Variants in ATP2B4 observed in about 807,000 individuals in gnomAD.
ATP2B4 encodes plasma membrane calcium-transporting ATPase 4.
In ATP2B4, 39 loss-of-function variants were observed where a neutral mutation model predicts 110.3. The ratio of observed to expected loss-of-function variants is 0.35; its 90% confidence interval spans 0.27 to 0.46. ATP2B4 has a LOEUF of 0.46. ATP2B4 is among the 20% of genes least tolerant of loss of function. The pLI, the probability that ATP2B4 is intolerant of heterozygous loss-of-function variation, is 1.00. For synonymous variants in ATP2B4, 538 were observed against 571.7 expected (o/e 0.94, Z 0.84); for missense variants, 1,135 against 1,530.9 (o/e 0.74, Z 4.32).
At chr1:203,672,600 G>A (rs573112848) in intron 1 of ATP2B4, among the ~76,000 whole-genome samples, 9 of 152,100 alleles carry the variant, frequency 5.9e-5, no homozygotes, top group South Asian at 2.1e-4. Flanking sequence ...TTATGGAGGC[G>A]GTGAGCCTGG....
chr1:203,672,495 A>G (rs971901031), intron 1 of ATP2B4, among the ~76,000 whole-genome samples: 1 of 151,870 alleles, frequency 6.6e-6, no homozygotes, highest in Non-Finnish European at 1.5e-5. Flanking sequence ...ACCTAAAGCG[A>G]CTGTTTATAA....
At chr1:203,731,849 CAAAAAAAAAAAA>C (rs35528335) in intron 20 of ATP2B4, among the ~76,000 whole-genome samples, 1 of 51,066 alleles carries the variant, frequency 2.0e-5, no homozygotes, top group African/African-American at 9.0e-5. Flanking sequence ...GACTCTGTCT[CAAAAAAAAAAAA>C]AAAAAAAAAG....
chr1:203,690,158 C>T (rs1307001077), intron 2 of ATP2B4, among the ~76,000 whole-genome samples: 1 of 152,144 alleles, frequency 6.6e-6, no homozygotes, highest in Non-Finnish European at 1.5e-5. Flanking sequence ...CGTCTATCAC[C>T]TTAAGATCTC....
intron 1 of ATP2B4, among the ~76,000 whole-genome samples, chr1:203,645,589 T>C (rs1663771653): frequency 6.6e-6 from 1 of 151,464 alleles, no homozygotes; most frequent in Non-Finnish European, 1.5e-5. Flanking sequence ...CCCTTTTCTT[T>C]CTTTTTTTTT....
chr1:203,657,336 C>G, intron 1 of ATP2B4: 1 of 745,964 alleles, frequency 1.3e-6, no homozygotes, highest in Admixed American at 2.0e-5. Context: ...CTTTCCTGTT[C>G]AAACAACTTT....
At chr1:203,648,104 G>A (rs1242017021) in intron 1 of ATP2B4, among the ~76,000 whole-genome samples, 1 of 152,134 alleles carries the variant, frequency 6.6e-6, no homozygotes, top group East Asian at 1.9e-4. Flanking sequence ...CTGTAAATCT[G>A]TGAGTGAGAT....
chr1:203,691,110 C>A (rs1310854348), intron 2 of ATP2B4, among the ~76,000 whole-genome samples: 1 of 152,192 alleles, frequency 6.6e-6, no homozygotes, highest in Admixed American at 6.5e-5. Context: ...TCAGAGGGAT[C>A]TTCACGAGGA....
Position 203,714,200 on chromosome 1 carries a change from C to A in ATP2B4, c.2329C>A (p.Arg777=). The A allele has an allele frequency of 6.2e-7, 1 of 1,614,136 alleles. No homozygotes were observed. Among genetic ancestry groups the A allele is most frequent in the Non-Finnish European group, 8.5e-7 (1 of 1,180,020 alleles). Residue 777 remains arginine (R), a synonymous_variant, in exon 15 of 21, where the codon CGG becomes AGG. Coordinates refer to ENST00000357681, the MANE Select transcript of ATP2B4 (RefSeq NM_001684.5). ...AATTGACAGCACTGTTGGGGAACAC[C>A]GGCAGGTCGTGGCTGTCACTGGTGA... ...GIIDSTVGEH[R]QVVAVTGDGT... is the part of the protein sequence containing the mutation.
At chr1:203,672,966 C>G (rs774313300) in intron 1 of ATP2B4, among the ~76,000 whole-genome samples, 1 of 152,120 alleles carries the variant, frequency 6.6e-6, no homozygotes, top group Non-Finnish European at 1.5e-5. Flanking sequence ...TTTCAGGGCT[C>G]TGTCTGGGAA....
intron 1 of ATP2B4, among the ~76,000 whole-genome samples, chr1:203,677,301 T>C (rs1664856294): frequency 6.6e-6 from 1 of 152,192 alleles, no homozygotes; most frequent in African/African-American, 2.4e-5. Flanking sequence ...TCCTAGCACA[T>C]GGTAGGTGCT....
At chr1:203,695,920 T>G (rs10793764) in intron 2 of ATP2B4, among the ~76,000 whole-genome samples, 97,572 of 151,792 alleles carry the variant, frequency 0.64, 32,616 homozygotes, top group East Asian at 0.8. Context: ...CTTTTGACAT[T>G]TAAGGTAACA....
chr1:203,672,246 T>C (rs911735451), intron 1 of ATP2B4, among the ~76,000 whole-genome samples: 2 of 150,228 alleles, frequency 1.3e-5, no homozygotes, highest in African/African-American at 4.9e-5. Flanking sequence ...CTTGCTTCCA[T>C]CTTCCCCTTC....
rs967743599 is a variant in ATP2B4 at position 203,699,396 on chromosome 1, T to A, written c.392-64T>A. The A allele has an allele frequency of 3.1e-6, 5 of 1,590,092 alleles. No individual in the cohort carries two copies. The African/African-American group carries it at 6.7e-5, about 21-fold the overall frequency. On this transcript the variant is annotated intron_variant, in intron 3 of 20. Transcript: ENST00000357681. ...TATCTTGGGGTGATTGTGGAAGCAC[T>A]ACTCCTATTTCTTAATGTCAACAAA...
intron 20 of ATP2B4, among the ~76,000 whole-genome samples, chr1:203,738,958 A>C (rs1402030039): frequency 1.3e-5 from 2 of 152,226 alleles, no homozygotes; most frequent in Non-Finnish European, 2.9e-5. Flanking sequence ...CTGCTGACAC[A>C]AATGAAGATT....
chr1:203,686,020 C>A (rs886256464), intron 2 of ATP2B4, among the ~76,000 whole-genome samples: 17 of 145,332 alleles, frequency 1.2e-4, no homozygotes, highest in Non-Finnish European at 1.7e-4. Context: ...AAAAAAAAAA[C>A]CCTGGGTAAG....
Position 203,699,624 on chromosome 1 carries a change from C to T in ATP2B4, c.556C>T (p.Gln186Ter). The change falls in exon 4 of 21, where the codon CAG (glutamine) becomes TAG (stop). Residue 186 changes from glutamine (Q) to a stop codon, truncating the protein, a stop_gained. Coordinates refer to ENST00000357681, the MANE Select transcript of ATP2B4 (RefSeq NM_001684.5). LOFTEE classifies it high-confidence loss of function. ...CCGGGGGCTGCAGTGCCGCATTGAA[C>T]AGGAGCAAAAGTTCTCCATCATCCG... ...QFRGLQCRIE[Q>*]EQKFSIIRNG... is the part of the protein sequence containing the mutation. 6.2e-7 allele frequency: 1 copy of T among 1,614,192 alleles called. No homozygotes were observed. Among genetic ancestry groups the T allele is most frequent in the Non-Finnish European group, 8.5e-7 (1 of 1,180,042 alleles).
rs911863687 is a variant in ATP2B4, at chr1:203,635,121, T to C, written c.-465+7902T>C. On this transcript the variant is annotated intron_variant, in intron 1 of 20. Coordinates refer to ENST00000357681, the MANE Select transcript of ATP2B4 (RefSeq NM_001684.5). ...TCCTGAGTAGCTGGGATTACAGGCATGTACCACTACACCCGGCTAATTTTG... is the reference window on the plus strand; with the variant it reads ...TCCTGAGTAGCTGGGATTACAGGCACGTACCACTACACCCGGCTAATTTTG... 1.4e-4 allele frequency among the ~76,000 whole-genome samples: 21 copies of C among 152,212 alleles called. 1 individual carries two copies. The highest frequency in any genetic ancestry group is 1.2e-3 in the Admixed American group (19 of 15,272).
intron 1 of ATP2B4, among the ~76,000 whole-genome samples, chr1:203,655,087 A>T (rs144245501): frequency 6.6e-6 from 1 of 152,270 alleles, no homozygotes; most frequent in East Asian, 1.9e-4. Flanking sequence ...GAACCTGAGG[A>T]TATGACTGAA....
intron 19 of ATP2B4, among the ~76,000 whole-genome samples, chr1:203,726,926 T>C (rs975576912): frequency 6.6e-6 from 1 of 151,964 alleles, no homozygotes; most frequent in African/African-American, 2.4e-5. Context: ...AAGAAAGGGG[T>C]CATTCATTTC....
Sources: gnomAD v4.1 joint callset for allele counts (sites outside exome capture counted in the v4.1 genomes callset) on GRCh38, gnomAD v4.1.1 for gene constraint, MANE v1.5 for transcripts, NCBI Gene and HGNC (gene_info 2026-07-23, HGNC 2026-07-21) for gene names.